Variants in CNTN3 observed in about 807,000 individuals in gnomAD.
CNTN3 encodes contactin-3.
Under a neutral mutation model 119.1 loss-of-function variants are expected in CNTN3, and 60 were observed. The ratio of observed to expected loss-of-function variants is 0.50; its 90% CI spans 0.41 to 0.62. The LOEUF (loss-of-function observed/expected upper bound fraction) is 0.62. Among genes scored for constraint, CNTN3 ranks in the 20% least tolerant of loss-of-function variants. CNTN3 has a pLI of 0.00. For missense variants in CNTN3, 1,101 were observed against 1,242.4 expected (o/e 0.89, Z 1.71); for synonymous variants, 450 against 438.7 (o/e 1.03, Z -0.32).
chr3:74,277,711 C>T (rs1701909378), intron 20 of CNTN3, among the ~76,000 whole-genome samples: 2 of 151,988 alleles, frequency 1.3e-5, no homozygotes, highest in Non-Finnish European at 2.9e-5. Flanking sequence ...TGGAAAAAGA[C>T]AAGGATGCCT....
At chr3:74,265,519 T>C (rs1701646929) in intron 22 of CNTN3, among the ~76,000 whole-genome samples, 1 of 152,178 alleles carries the variant, frequency 6.6e-6, no homozygotes, top group Admixed American at 6.6e-5. Flanking sequence ...TAGTCCAAGA[T>C]GGGTTCTGCA....
chr3:74,315,871 T>C (rs1203285046), intron 13 of CNTN3, among the ~76,000 whole-genome samples: 1 of 152,122 alleles, frequency 6.6e-6, no homozygotes, highest in African/African-American at 2.4e-5. Context: ...GGAAACACCC[T>C]ATGAAAATAT....
chr3:74,310,612 T>C (rs527976083), intron 13 of CNTN3, among the ~76,000 whole-genome samples: 4 of 152,250 alleles, frequency 2.6e-5, no homozygotes, highest in African/African-American at 7.2e-5. Flanking sequence ...CCAAGAGTAA[T>C]TGTGCTAGTG....
At chr3:74,573,342 A>G (rs2106654419) in intron 1 of CNTN3, among the ~76,000 whole-genome samples, 1 of 152,188 alleles carries the variant, frequency 6.6e-6, no homozygotes, top group African/African-American at 2.4e-5. Context: ...GCCAATCTCA[A>G]AGAAAATTAT....
chr3:74,507,632 T>C (rs1278446418), intron 2 of CNTN3, among the ~76,000 whole-genome samples: 5 of 95,394 alleles, frequency 5.2e-5, no homozygotes, highest in East Asian at 5.2e-4. Flanking sequence ...CTTTCTTTTT[T>C]TTTTTTTTTT....
At chr3:74,315,133 A>C (rs561967411) in intron 13 of CNTN3, among the ~76,000 whole-genome samples, 12 of 152,340 alleles carry the variant, frequency 7.9e-5, no homozygotes, top group African/African-American at 2.6e-4. Flanking sequence ...CACTCCTGCC[A>C]GTGCCATGAC....
intron 4 of CNTN3, among the ~76,000 whole-genome samples, chr3:74,427,757 G>T (rs1338357769): frequency 6.6e-6 from 1 of 151,736 alleles, no homozygotes; most frequent in Non-Finnish European, 1.5e-5. Context: ...TGCAAAAATT[G>T]AAATTAAAAA....
intron 11 of CNTN3, among the ~76,000 whole-genome samples, chr3:74,342,524 A>G (rs1156588565): frequency 2.6e-5 from 4 of 152,120 alleles, no homozygotes; most frequent in Non-Finnish European, 5.9e-5. Flanking sequence ...TTGAACATAC[A>G]CATTCTATGG....
chr3:74,489,201 A>G (rs764112979), intron 3 of CNTN3, among the ~76,000 whole-genome samples: 6 of 152,132 alleles, frequency 3.9e-5, no homozygotes, highest in East Asian at 1.9e-4. Flanking sequence ...GCCCTAAACC[A>G]TATCTACTGA....
In CNTN3 at chr3:74,264,370, C is replaced by A; in HGVS notation, c.*31G>T. On this transcript the variant is annotated 3_prime_UTR_variant, in exon 23 of 23. Coordinates refer to ENST00000263665, the MANE Select transcript of CNTN3 (RefSeq NM_020872.3). ...AGCACTTTTTTTGGTAACCAAATAACTTTCCAATAAATAATAAAAAGGAGT... is the reference window on the plus strand; with the variant it reads ...AGCACTTTTTTTGGTAACCAAATAAATTTCCAATAAATAATAAAAAGGAGT... The A allele has an allele frequency of 1.6e-6, 2 of 1,280,358 alleles. No individual in the cohort carries two copies. Among genetic ancestry groups the A allele is most frequent in the South Asian group, 1.9e-5 (1 of 51,684 alleles). The allele number at this position is 1,280,358 out of a possible 1,614,324, so 79.3% of individuals were successfully genotyped here.
intron 5 of CNTN3, among the ~76,000 whole-genome samples, chr3:74,412,733 T>C (rs1345395146): frequency 6.6e-6 from 1 of 152,208 alleles, no homozygotes; most frequent in Admixed American, 6.5e-5. Flanking sequence ...ATACAGTTTC[T>C]GGCTTTTCTT....
intron 1 of CNTN3, among the ~76,000 whole-genome samples, chr3:74,607,962 T>A (rs1705020599): frequency 1.3e-5 from 2 of 152,298 alleles, no homozygotes; most frequent in South Asian, 4.1e-4. Context: ...TAGTTAACAG[T>A]AATGTACCAA....
intron 11 of CNTN3, among the ~76,000 whole-genome samples, chr3:74,356,009 C>T (rs956188052): frequency 2.0e-5 from 3 of 151,980 alleles, no homozygotes; most frequent in Admixed American, 6.6e-5. Flanking sequence ...CCTCCAAAAT[C>T]CATGGTGAAA....
At chr3:74,280,970 A>G (rs1701994241) in intron 20 of CNTN3, among the ~76,000 whole-genome samples, 1 of 152,158 alleles carries the variant, frequency 6.6e-6, no homozygotes, top group Non-Finnish European at 1.5e-5. Context: ...GAGATGGGGG[A>G]GTGCATTATG....
chr3:74,440,730 G>T (rs1170772736), intron 4 of CNTN3, among the ~76,000 whole-genome samples: 1 of 152,062 alleles, frequency 6.6e-6, no homozygotes. Context: ...GTATACATGT[G>T]CCATGGTGGT....
chr3:74,530,285 A>G (rs890539723), intron 1 of CNTN3, among the ~76,000 whole-genome samples: 1 of 151,998 alleles, frequency 6.6e-6, no homozygotes, highest in Non-Finnish European at 1.5e-5. Flanking sequence ...CAGGTATTAC[A>G]TCCCAAAGGG....
At chr3:74,501,100 C>G (rs1703158883) in intron 2 of CNTN3, among the ~76,000 whole-genome samples, 1 of 151,786 alleles carries the variant, frequency 6.6e-6, no homozygotes, top group South Asian at 2.1e-4. Context: ...TGTGCCATAG[C>G]TGATTGAAAT....
intron 1 of CNTN3, among the ~76,000 whole-genome samples, chr3:74,531,358 C>T (rs537928402): frequency 4.6e-5 from 7 of 152,014 alleles, no homozygotes; most frequent in African/African-American, 1.4e-4. Flanking sequence ...AGAAAGCTGA[C>T]TTAGGGTTAC....
Position 74,509,858 on chromosome 3 carries a change from G to A in CNTN3, c.56-10073C>T, listed in dbSNP as rs1348653342. On this transcript the variant is annotated intron_variant, in intron 2 of 22. Transcript: ENST00000263665. ...CCTCATTCTGAATTCCTAGAACAAT[G>A]TTTGTGTATTTTACTCATCACAACA... 2.6e-5 allele frequency among the ~76,000 whole-genome samples: 4 copies of A among 151,838 alleles called. No individual in the cohort carries two copies. The East Asian group carries it at 5.8e-4, about 22-fold the overall frequency.
Sources: allele counts gnomAD v4.1 joint callset (sites outside exome capture counted in the v4.1 genomes callset), GRCh38; gene constraint gnomAD v4.1.1; transcripts MANE v1.5; gene names NCBI Gene and HGNC (gene_info 2026-07-23, HGNC 2026-07-21).